Variants in FZR1 observed in about 807,000 individuals in gnomAD.
The protein encoded by FZR1 is fizzy-related protein homolog.
In FZR1, 11 loss-of-function variants were observed where a neutral mutation model predicts 63.6. That is an observed-to-expected ratio of 0.17 (90% CI 0.11 to 0.29). FZR1 has a LOEUF of 0.29. Among genes scored for constraint, FZR1 ranks in the 10% least tolerant of loss-of-function variants. FZR1 has a pLI of 1.00. For missense variants in FZR1, 440 were observed against 687.5 expected (o/e 0.64, Z 4.03); for synonymous variants, 328 against 297.9 (o/e 1.10, Z -1.04).
chr19:3,531,868 C>T (rs372955190), intron 9 of FZR1, 43 bp from the exon 10 acceptor site: 5 of 1,559,698 alleles, frequency 3.2e-6, no homozygotes, highest in East Asian at 2.4e-5. Context: ...CCCAGCTCCG[C>T]GAGGGCAGGA....
chr19:3,520,028 G>T (rs759817021), intron 1 of FZR1, among the ~76,000 whole-genome samples: 32 of 152,146 alleles, frequency 2.1e-4, no homozygotes, highest in Non-Finnish European at 3.7e-4. Flanking sequence ...GTCCCGGGGG[G>T]CCCCACACCC....
intron 2 of FZR1, among the ~76,000 whole-genome samples, chr19:3,523,439 C>G (rs2083122378): frequency 6.6e-6 from 1 of 152,192 alleles, no homozygotes; most frequent in Admixed American, 6.5e-5. Context: ...TTGCGCTCCA[C>G]CCTGCCTCCC....
At chr19:3,534,647 G>A (rs2083279291) in intron 13 of FZR1, 134 bp downstream of exon 13, 3 of 900,972 alleles carry the variant, frequency 3.3e-6, no homozygotes, top group Admixed American at 4.0e-5. Context: ...CAAATTCTGG[G>A]TCATGTGTCG....
Position 3,531,075 on chromosome 19 carries a change from G to A in FZR1, c.720+218G>A, listed in dbSNP as rs574244974. 5.3e-5 allele frequency among the ~76,000 whole-genome samples: 8 copies of A among 152,228 alleles called. No individual in the cohort carries two copies. The South Asian group carries it at 1.7e-3, about 32-fold the overall frequency. ...ACCAGGCCCCTAGAAAGGATGGCAG[G>A]TCCAGTGGGGAAATAACGCCCCAGT... is the stretch of plus-strand genomic sequence containing the variant. On this transcript the variant is annotated intron_variant, in intron 8 of 13. Transcript: ENST00000441788.
chr19:3,529,760 G>A (rs1300738302), intron 7 of FZR1, among the ~76,000 whole-genome samples: 3 of 147,550 alleles, frequency 2.0e-5, no homozygotes, highest in East Asian at 2.1e-4. Context: ...GCATGGGAGC[G>A]CATGGGTGAG....
rs910106305 is a variant in FZR1, at chr19:3,536,349, C to T, written c.*1513C>T. ...CTTCCACATTCACTGGAGAGACTCTCCCCACCTCTGTCTGGGTGGGGCGCG... is the reference window on the plus strand; with the variant it reads ...CTTCCACATTCACTGGAGAGACTCTTCCCACCTCTGTCTGGGTGGGGCGCG... On this transcript the variant is annotated 3_prime_UTR_variant, in exon 14 of 14. Coordinates refer to ENST00000441788, the MANE Select transcript of FZR1 (RefSeq NM_016263.4). 1 of 152,152 alleles carries T rather than the reference C, an allele frequency of 6.6e-6. No individual in the cohort carries two copies. Among genetic ancestry groups the T allele is most frequent in the Non-Finnish European group, 1.5e-5 (1 of 68,020 alleles). 9.4% of individuals were successfully genotyped at this position (152,152 alleles called of 1,614,324 possible). A position where few individuals can be genotyped will look rare whatever the true frequency, so the allele number is the denominator to read the frequency against.
chr19:3,521,595 G>A (rs2083102264), intron 1 of FZR1, among the ~76,000 whole-genome samples: 2 of 151,352 alleles, frequency 1.3e-5, no homozygotes, highest in Non-Finnish European at 2.9e-5. Context: ...TTCACCTCCC[G>A]GGTTCAAGCG....
chr19:3,522,733 G>A (rs2083114366), intron 1 of FZR1, among the ~76,000 whole-genome samples: 1 of 152,218 alleles, frequency 6.6e-6, no homozygotes, highest in Non-Finnish European at 1.5e-5. Flanking sequence ...CAGGAGGACA[G>A]GGTGTGGATA....
intron 1 of FZR1, among the ~76,000 whole-genome samples, chr19:3,518,476 G>C (rs879821972): frequency 6.6e-6 from 1 of 152,174 alleles, no homozygotes; most frequent in Non-Finnish European, 1.5e-5. Context: ...CCAGGACACG[G>C]GAAGGGCTGG....
chr19:3,515,765 C>CT lies in FZR1; in HGVS notation c.-34-7190dup, dbSNP rs2083054516. On this transcript the variant is annotated intron_variant, in intron 1 of 13. Coordinates refer to ENST00000441788, the MANE Select transcript of FZR1 (RefSeq NM_016263.4). The surrounding 1 kb of genome is among the most constrained non-coding windows in gnomAD (Gnocchi z 4.6). ...TGGGTGACAGAGCCAGACTCCGTCT[C>CT]TAAAAAAAAAAAAAAAAGGAATTCA... is the stretch of plus-strand genomic sequence containing the variant. Among the ~76,000 whole-genome samples the CT allele has an allele frequency of 1.0e-5, 1 of 96,018 alleles. No homozygotes were observed. The allele number at this position is 96,018 out of a possible 152,430, so 63.0% of individuals were successfully genotyped here.
intron 8 of FZR1, 105 bp downstream of exon 8, chr19:3,530,962 C>T (rs1227889334): frequency 2.5e-5 from 20 of 794,402 alleles, no homozygotes; most frequent in Admixed American, 1.6e-4. Flanking sequence ...CTGAGGTCGC[C>T]TGTGTCCAAG....
At chr19:3,506,927 G>C (rs764294387) in intron 1 of FZR1, among the ~76,000 whole-genome samples, 1 of 152,056 alleles carries the variant, frequency 6.6e-6, no homozygotes, top group Non-Finnish European at 1.5e-5. Flanking sequence ...TCCCAGCTTG[G>C]GTCCTGCCCA....
At chr19:3,519,456 G>A (rs2121927124) in intron 1 of FZR1, among the ~76,000 whole-genome samples, 1 of 152,322 alleles carries the variant, frequency 6.6e-6, no homozygotes, top group South Asian at 2.1e-4. Flanking sequence ...CCTCCCTCTG[G>A]TCTCAGATTT....
In FZR1 at chr19:3,525,963, C is replaced by T. The variant is rs779821463; in HGVS notation, c.165C>T (p.Ala55=). The change falls in exon 3 of 14, where the codon GCC becomes GCT. Residue 55 remains alanine (A), a synonymous_variant. Transcript: ENST00000441788. The surrounding 1 kb of genome is among the most constrained non-coding windows in gnomAD (Gnocchi z 4.2). The stretch of plus-strand genomic sequence containing the variant: ...GCTTCATCCCCTCCAGAGCCGGAGC[C>T]AACTGGAGCGTGAACTTCCACAGGA... ...GDRFIPSRAG[A]NWSVNFHRIN... is the part of the protein sequence containing the mutation. 41 of 1,612,314 alleles carry T rather than the reference C, an allele frequency of 2.5e-5. No homozygotes were observed. Among genetic ancestry groups the T allele is most frequent in the Non-Finnish European group, 3.3e-5 (39 of 1,179,844 alleles).
At chr19:3,518,509 T>C (rs2083075379) in intron 1 of FZR1, among the ~76,000 whole-genome samples, 1 of 152,036 alleles carries the variant, frequency 6.6e-6, no homozygotes, top group African/African-American at 2.4e-5. Context: ...AAGTCAGATC[T>C]GGAGCAGGGG....
chr19:3,507,571 C>T (rs944429326), intron 1 of FZR1, among the ~76,000 whole-genome samples: 5 of 152,160 alleles, frequency 3.3e-5, no homozygotes, highest in African/African-American at 1.2e-4. Flanking sequence ...GACCTCATGC[C>T]TCTCCGTGGT....
At chr19:3,534,329 C>T (rs1389212593) in intron 12 of FZR1, 92 bp from the exon 13 acceptor site, 7 of 686,520 alleles carry the variant, frequency 1.0e-5, no homozygotes, top group Admixed American at 7.9e-5. Flanking sequence ...CCCAGCCACC[C>T]GACACCTTGC....
intron 12 of FZR1, chr19:3,534,207 G>C: frequency 2.0e-6 from 1 of 488,326 alleles, no homozygotes; most frequent in East Asian, 3.5e-5. Flanking sequence ...GGGTGACAGA[G>C]CCAGACCCCG....
At position 3,525,432 on chromosome 19, in the gene FZR1, C is replaced by CTTTTT. The variant is rs57486013; in HGVS notation, c.70-412_70-408dup. Among the ~76,000 whole-genome samples the CTTTTT allele has an allele frequency of 1.5e-3, 101 of 68,724 alleles. 3 individuals carry two copies. The highest frequency in any genetic ancestry group is 4.5e-3 in the African/African-American group (74 of 16,526). 45.1% of individuals were successfully genotyped at this position (68,724 alleles called of 152,430 possible). A position where few individuals can be genotyped will look rare whatever the true frequency, so the allele number is the denominator to read the frequency against. On this transcript the variant is annotated intron_variant, in intron 2 of 13. Transcript: ENST00000441788. This position sits in a 1 kb window ranked among gnomAD's most constrained non-coding sequence, Gnocchi z 4.2. ...TGTGTGGCTCCCCTCCTTGGGTTTT[C>CTTTTT]TTTTTTTTTTTTTTTTTTTTTTTTT...
Sources: allele counts gnomAD v4.1 joint callset (sites outside exome capture counted in the v4.1 genomes callset), GRCh38; gene constraint gnomAD v4.1.1; non-coding constraint Gnocchi (gnomAD v3.1); transcripts MANE v1.5; gene names NCBI Gene and HGNC (gene_info 2026-07-23, HGNC 2026-07-21).